KHDRBS2: variants seen among roughly 807,000 people sequenced by gnomAD.
KHDRBS2 encodes KH RNA binding domain containing, signal transduction associated 2, also known as KH domain-containing, RNA-binding, signal transduction-associated protein 2.
KHDRBS2 carries 26 observed loss-of-function variants against 44.3 expected under a neutral mutation model. The ratio of observed to expected loss-of-function variants is 0.59; its 90% CI spans 0.43 to 0.81. The LOEUF is 0.81. Ranked by LOEUF, KHDRBS2 falls within the 40% of genes least tolerant of loss-of-function variation. The pLI is 0.00. For synonymous variants in KHDRBS2, 194 were observed against 151.1 expected (o/e 1.28, Z -2.08); for missense variants, 476 against 433.1 (o/e 1.10, Z -0.88).
chr6:62,110,623 A>G (rs1221137547), intron 2 of KHDRBS2, among the ~76,000 whole-genome samples: 1 of 152,104 alleles, frequency 6.6e-6, no homozygotes, highest in African/African-American at 2.4e-5. Flanking sequence ...AACCCAATAC[A>G]TACTGCATGA....
intron 6 of KHDRBS2, among the ~76,000 whole-genome samples, chr6:61,865,223 T>TG (rs759213451): frequency 6.6e-6 from 1 of 152,304 alleles, no homozygotes; most frequent in Non-Finnish European, 1.5e-5. Context: ...GGTGCTCCTT[T>TG]GGTTCAGCAA....
At chr6:62,196,949 T>C (rs541562417) in intron 1 of KHDRBS2, among the ~76,000 whole-genome samples, 12 of 152,234 alleles carry the variant, frequency 7.9e-5, no homozygotes, top group African/African-American at 2.6e-4. Flanking sequence ...CCAGGTCTAA[T>C]AGGTCCAGTA....
At chr6:61,843,619 C>T (rs1793937135) in intron 6 of KHDRBS2, among the ~76,000 whole-genome samples, 1 of 152,046 alleles carries the variant, frequency 6.6e-6, no homozygotes, top group Admixed American at 6.6e-5. Flanking sequence ...CCCACCTCAG[C>T]CTCCCAAAGT....
At chr6:61,642,276 C>A in the KHDRBS2 span, among the ~76,000 whole-genome samples, 2 of 151,914 alleles carry the variant, frequency 1.3e-5, no homozygotes, top group Non-Finnish European at 2.9e-5. Context: ...TCACCTATTA[C>A]CTTTGTCTTA....
At chr6:62,120,137 TA>T (rs1290229338) in intron 2 of KHDRBS2, among the ~76,000 whole-genome samples, 3 of 152,146 alleles carry the variant, frequency 2.0e-5, no homozygotes, top group African/African-American at 4.8e-5. Flanking sequence ...CTCATGGAGT[TA>T]AAAAAGGTTC....
At chr6:62,283,097 C>A (rs1561916112) in intron 1 of KHDRBS2, among the ~76,000 whole-genome samples, 3 of 152,084 alleles carry the variant, frequency 2.0e-5, no homozygotes, top group African/African-American at 7.2e-5. Context: ...TTCAAAAGCA[C>A]CTACCATAAC....
the KHDRBS2 span, among the ~76,000 whole-genome samples, chr6:61,598,734 A>G: frequency 1.3e-5 from 2 of 152,044 alleles, no homozygotes; most frequent in South Asian, 2.1e-4. Context: ...GGTAAACTTT[A>G]CATCTCTCCC....
intron 3 of KHDRBS2, among the ~76,000 whole-genome samples, chr6:62,037,253 G>A (rs1394000676): frequency 6.6e-6 from 1 of 151,734 alleles, no homozygotes; most frequent in Non-Finnish European, 1.5e-5. Flanking sequence ...GTTTTTTAAT[G>A]GCTTGCCATC....
intron 2 of KHDRBS2, among the ~76,000 whole-genome samples, chr6:62,072,880 C>CT (rs1293036599): frequency 6.6e-6 from 1 of 152,076 alleles, no homozygotes; most frequent in Middle Eastern, 3.2e-3. Flanking sequence ...ACGATTCCCT[C>CT]TTTTTTTATT....
chr6:61,868,207 C>A (rs1207107809), intron 6 of KHDRBS2, among the ~76,000 whole-genome samples: 1 of 152,128 alleles, frequency 6.6e-6, no homozygotes, highest in Non-Finnish European at 1.5e-5. Context: ...TTAAAGCAGT[C>A]TGGCCACACC....
rs78502066 is a variant in KHDRBS2 at position 61,806,276 on chromosome 6, A to G, written c.811-73512T>C. 6.1e-4 allele frequency among the ~76,000 whole-genome samples: 93 copies of G among 152,304 alleles called. 1 individual carries two copies. In the East Asian group the frequency reaches 0.017, roughly 28 times the overall value. On this transcript the variant is annotated intron_variant, in intron 6 of 8. Transcript: ENST00000281156. ...TCTCTGTTGGGGTACTCATACTTGCAGCCTGAGCTGCCATAAAAGCAGCCT... is the reference window on the plus strand; with the variant it reads ...TCTCTGTTGGGGTACTCATACTTGCGGCCTGAGCTGCCATAAAAGCAGCCT...
intron 6 of KHDRBS2, among the ~76,000 whole-genome samples, chr6:61,760,410 A>T (rs1779104240): frequency 6.6e-6 from 1 of 152,144 alleles, no homozygotes; most frequent in East Asian, 1.9e-4. Flanking sequence ...AGGCAGGTGG[A>T]TCGCTTGAGC....
chr6:61,690,263 G>A (rs1474556962), intron 8 of KHDRBS2, among the ~76,000 whole-genome samples: 2 of 151,506 alleles, frequency 1.3e-5, no homozygotes, highest in Non-Finnish European at 2.9e-5. Context: ...TTTGTATTCT[G>A]TACTTTGTGC....
At position 62,276,918 on chromosome 6, in the gene KHDRBS2, T is replaced by C. The variant is rs186021201; in HGVS notation, c.91+8940A>G. ...AATTTCTTTGCTGTGAGACCTGATA[T>C]AAATTAATTTATCTAAGCCTTAATT... On this transcript the variant is annotated intron_variant, in intron 1 of 8. Transcript: ENST00000281156. Among the ~76,000 whole-genome samples the C allele has an allele frequency of 3.8e-4, 58 of 152,334 alleles. 1 individual carries two copies. In the Middle Eastern group the frequency reaches 0.017, roughly 45 times the overall value.
chr6:61,952,722 T>G (rs1273655073), intron 4 of KHDRBS2, among the ~76,000 whole-genome samples: 2 of 152,058 alleles, frequency 1.3e-5, no homozygotes. Context: ...GATTGCATGA[T>G]TATCATAGCC....
At chr6:62,207,440 G>A (rs1828185720) in intron 1 of KHDRBS2, among the ~76,000 whole-genome samples, 1 of 152,100 alleles carries the variant, frequency 6.6e-6, no homozygotes, top group Admixed American at 6.6e-5. Context: ...AGAAACCAGA[G>A]CCATTACATT....
Position 61,985,990 on chromosome 6 carries a change from G to A in KHDRBS2, c.337-7778C>T, listed in dbSNP as rs141872886. On this transcript the variant is annotated intron_variant, in intron 3 of 8. Coordinates refer to ENST00000281156, the MANE Select transcript of KHDRBS2 (RefSeq NM_152688.4). ...TATAGAACCATAGAAACATTGGGTG[G>A]ATTTTGGAAGCACTAGAGTATAGTG... Among the ~76,000 whole-genome samples, 795 of 152,158 alleles carry A rather than the reference G, an allele frequency of 5.2e-3. 8 individuals are homozygous for A. Among genetic ancestry groups the A allele is most frequent in the African/African-American group, 0.018 (754 of 41,520 alleles).
At chr6:61,949,363 C>T (rs1032879676) in intron 4 of KHDRBS2, among the ~76,000 whole-genome samples, 3 of 152,056 alleles carry the variant, frequency 2.0e-5, no homozygotes, top group African/African-American at 4.8e-5. Flanking sequence ...TGTTTTATTA[C>T]ATGTTGCATG....
At chr6:61,843,172 G>A (rs528458325) in intron 6 of KHDRBS2, among the ~76,000 whole-genome samples, 7 of 151,858 alleles carry the variant, frequency 4.6e-5, no homozygotes, top group East Asian at 1.9e-4. Context: ...GATTGGGGGC[G>A]GTGGAGGAGG....
Sources: gnomAD v4.1 joint callset for allele counts (sites outside exome capture counted in the v4.1 genomes callset) on GRCh38, gnomAD v4.1.1 for gene constraint, MANE v1.5 for transcripts, NCBI Gene and HGNC (gene_info 2026-07-23, HGNC 2026-07-21) for gene names.